Variants in C10orf90 observed in about 807,000 individuals in gnomAD.
C10orf90 encodes the protein chromosome 10 open reading frame 90.
C10orf90 carries 56 observed loss-of-function variants against 62.5 expected under a neutral mutation model. The observed-to-expected ratio is 0.90, with a 90% CI of 0.72 to 1.12. The LOEUF is 1.12. Ranked by LOEUF, C10orf90 falls within the 50% of genes most tolerant of loss-of-function variation. The probability of loss-of-function intolerance (pLI) is 0.00; values close to 1 mark genes in which losing one functional copy is unlikely to be tolerated. For missense variants in C10orf90, 970 were observed against 880.4 expected (o/e 1.10, Z -1.29); for synonymous variants, 386 against 340.4 (o/e 1.13, Z -1.47).
At chr10:126,619,428 A>G (rs190501322) in intron 2 of C10orf90, among the ~76,000 whole-genome samples, 6 of 152,350 alleles carry the variant, frequency 3.9e-5, no homozygotes, top group Admixed American at 6.5e-5. Flanking sequence ...AAGCATGTCA[A>G]CTGCTTCAAA....
rs772327621 is a variant in C10orf90, at chr10:126,504,999, C to A, written c.492G>T (p.Arg164Ser). Residue 164 changes from arginine to serine, a missense_variant, in exon 4 of 10, where the codon AGG becomes AGT. Physicochemically the swap from Arg to Ser is moderately radical, Grantham distance 110. Transcript: ENST00000488181. The surrounding 1 kb of genome is among the most constrained non-coding windows in gnomAD (Gnocchi z 4.1). ...MIDENKSRENRASLPLPCAIA... is the reference protein window; with the variant it reads ...MIDENKSRENSASLPLPCAIA... The stretch of plus-strand genomic sequence containing the variant: ...TGGCACACGGTAGGGGCAAGGAGGC[C>A]CTGTTTTCTCTTGACTTATTCTCAT... The A allele has an allele frequency of 6.2e-7, 1 of 1,614,100 alleles. No homozygotes were observed. The highest frequency in any genetic ancestry group is 2.2e-5 in the East Asian group (1 of 44,870).
chr10:126,587,403 T>C (rs976723850), intron 2 of C10orf90, among the ~76,000 whole-genome samples: 1 of 152,216 alleles, frequency 6.6e-6, no homozygotes, highest in African/African-American at 2.4e-5. Flanking sequence ...CCCACATTCT[T>C]GGTTTCTGGT....
intron 1 of C10orf90, among the ~76,000 whole-genome samples, chr10:126,652,551 C>T (rs891335472): frequency 6.6e-5 from 10 of 152,130 alleles, no homozygotes; most frequent in Admixed American, 3.3e-4. Context: ...AGGAAGACAG[C>T]CTCCCCTGGC....
At chr10:126,438,149 C>A (rs1343792665) in intron 7 of C10orf90, among the ~76,000 whole-genome samples, 1 of 152,150 alleles carries the variant, frequency 6.6e-6, no homozygotes, top group Non-Finnish European at 1.5e-5. Context: ...AGGCAAGCTT[C>A]CTGTGAGGCA....
intron 2 of C10orf90, among the ~76,000 whole-genome samples, chr10:126,561,334 A>G (rs1864895431): frequency 6.6e-6 from 1 of 152,162 alleles, no homozygotes; most frequent in Non-Finnish European, 1.5e-5. Flanking sequence ...AAAATTCACC[A>G]CACATTTCAT....
intron 7 of C10orf90, among the ~76,000 whole-genome samples, chr10:126,437,309 C>A (rs1857986223): frequency 6.6e-6 from 1 of 152,166 alleles, no homozygotes; most frequent in Non-Finnish European, 1.5e-5. Flanking sequence ...TTCCAGTTAC[C>A]TTCCAGTCCC....
chr10:126,576,083 G>A (rs1844605612), intron 2 of C10orf90, among the ~76,000 whole-genome samples: 1 of 151,882 alleles, frequency 6.6e-6, no homozygotes, highest in Non-Finnish European at 1.5e-5. Context: ...GGATTATACA[G>A]CAAACTGAAA....
chr10:126,522,937 T>C (rs1863812944), intron 2 of C10orf90: 1 of 152,196 alleles, frequency 6.6e-6, no homozygotes, highest in Non-Finnish European at 1.5e-5. Flanking sequence ...GAGGCTGGCA[T>C]AGGCTTTGTT....
At chr10:126,615,067 G>A (rs543112128) in intron 2 of C10orf90, among the ~76,000 whole-genome samples, 5 of 152,172 alleles carry the variant, frequency 3.3e-5, no homozygotes, top group Admixed American at 3.3e-4. Flanking sequence ...TGGGATGCTG[G>A]AGCTCTCTTA....
chr10:126,442,633 G>GTGTATA (rs1160734939), intron 7 of C10orf90, among the ~76,000 whole-genome samples: 20 of 88,442 alleles, frequency 2.3e-4, no homozygotes, highest in African/African-American at 7.5e-4. Context: ...TTGTGTGTGT[G>GTGTATA]TATATATATA....
At chr10:126,436,019 A>G (rs1324328160) in intron 7 of C10orf90, among the ~76,000 whole-genome samples, 1 of 152,202 alleles carries the variant, frequency 6.6e-6, no homozygotes, top group African/African-American at 2.4e-5. Flanking sequence ...AGGGTTCCCC[A>G]TAAAACCTAT....
intron 1 of C10orf90, among the ~76,000 whole-genome samples, chr10:126,650,185 C>G (rs192965715): frequency 6.6e-6 from 1 of 152,278 alleles, no homozygotes; most frequent in Non-Finnish European, 1.5e-5. Flanking sequence ...CGAGGGAGAG[C>G]CTGATCAGCC....
intron 3 of C10orf90, among the ~76,000 whole-genome samples, chr10:126,511,061 G>A (rs917273432): frequency 2.6e-5 from 4 of 152,148 alleles, no homozygotes; most frequent in Admixed American, 6.5e-5. Context: ...AGTCCTCTCC[G>A]CGTTTGCTGC....
chr10:126,444,086 G>A (rs2134038110), intron 7 of C10orf90, among the ~76,000 whole-genome samples: 1 of 152,194 alleles, frequency 6.6e-6, no homozygotes, highest in Non-Finnish European at 1.5e-5. Flanking sequence ...GGGAAAAGTT[G>A]AAAGCATTCC....
intron 3 of C10orf90, among the ~76,000 whole-genome samples, chr10:126,508,696 A>G (rs1425101235): frequency 6.6e-6 from 1 of 152,180 alleles, no homozygotes; most frequent in Non-Finnish European, 1.5e-5. Context: ...CGGGACTCCC[A>G]TACTGGCTAC....
At chr10:126,505,610 C>T (rs1862687495) in intron 3 of C10orf90, among the ~76,000 whole-genome samples, 1 of 152,170 alleles carries the variant, frequency 6.6e-6, no homozygotes, top group Non-Finnish European at 1.5e-5. Context: ...TTCAGTTGCT[C>T]CCTGCTGCTT....
At position 126,504,965 on chromosome 10, in the gene C10orf90, A is replaced by G. The variant is rs758011104; in HGVS notation, c.526T>C (p.Ser176Pro). 6.2e-7 allele frequency: 1 copy of G among 1,614,212 alleles called. No individual in the cohort carries two copies. The highest frequency in any genetic ancestry group is 1.1e-5 in the South Asian group (1 of 91,082). The change falls in exon 4 of 10, where the codon TCT becomes CCT. Residue 176 changes from serine to proline, a missense_variant. Transcript: ENST00000488181. This position sits in a 1 kb window ranked among gnomAD's most constrained non-coding sequence, Gnocchi z 4.1. ...SLPLPCAIAQ[S>P]RAHHAKQSLA... Reference sequence around the variant, plus strand: ...GATTGCTTGGCGTGATGTGCACGAGACTGAGCAATGGCACACGGTAGGGGC... The same window carrying G: ...GATTGCTTGGCGTGATGTGCACGAGGCTGAGCAATGGCACACGGTAGGGGC...
At chr10:126,547,655 A>C (rs1268459573) in intron 2 of C10orf90, among the ~76,000 whole-genome samples, 1 of 152,076 alleles carries the variant, frequency 6.6e-6, no homozygotes, top group East Asian at 1.9e-4. Flanking sequence ...AGCAAATAAA[A>C]TAGAAAATCT....
At position 126,504,884 on chromosome 10, in the gene C10orf90, T is replaced by C. The variant is rs756539432; in HGVS notation, c.607A>G (p.Arg203Gly). The C allele has an allele frequency of 1.2e-6, 2 of 1,613,954 alleles. No individual in the cohort carries two copies. Among genetic ancestry groups the C allele is most frequent in the South Asian group, 1.1e-5 (1 of 91,012 alleles). ...TCTGACGGTGCCGGGATTCCTAATC[T>C]GCCCGGAAGTAACGCAAATGCTCTG... is the stretch of plus-strand genomic sequence containing the variant. ...IHRAFALLPGRLGIPAPSDER... is the reference protein window; with the variant it reads ...IHRAFALLPGGLGIPAPSDER... Residue 203 changes from arginine (R) to glycine (G), a missense_variant, in exon 4 of 10, where the codon AGA becomes GGA. Physicochemically the swap from Arg to Gly is moderately radical, Grantham distance 125. Transcript: ENST00000488181. This position sits in a 1 kb window ranked among gnomAD's most constrained non-coding sequence, Gnocchi z 4.1.
Sources: gnomAD v4.1 joint callset for allele counts (sites outside exome capture counted in the v4.1 genomes callset) on GRCh38, gnomAD v4.1.1 for gene constraint, Gnocchi (gnomAD v3.1) non-coding constraint, MANE v1.5 for transcripts, NCBI Gene and HGNC (gene_info 2026-07-23, HGNC 2026-07-21) for gene names.